MAP3K7: variants seen among roughly 807,000 people sequenced by gnomAD.
The protein encoded by MAP3K7 is TGF-beta activated kinase 1.
MAP3K7 carries 21 observed loss-of-function variants against 84.8 expected under a neutral mutation model. That is an observed-to-expected ratio of 0.25 (90% CI 0.18 to 0.36). The LOEUF (loss-of-function observed/expected upper bound fraction) is 0.36, where lower values mean the gene tolerates loss of function less well. MAP3K7 is among the 10% of genes least tolerant of loss of function. The pLI, the probability that MAP3K7 is intolerant of heterozygous loss-of-function variation, is 1.00. For missense variants in MAP3K7, 503 were observed against 747.7 expected (o/e 0.67, Z 3.82); for synonymous variants, 241 against 247.7 (o/e 0.97, Z 0.25).
At chr6:90,544,777 T>C (rs1001555271) in intron 11 of MAP3K7, 145 bp from the exon 12 acceptor site, 18 of 642,304 alleles carry the variant, frequency 2.8e-5, no homozygotes, top group Non-Finnish European at 5.1e-5. Context: ...TACCTAACTT[T>C]TCATCCATGC....
At chr6:90,585,618 C>CTTTTTTTTTTTTTTTTTTTTTTTTTTTT (rs1562116546) in intron 1 of MAP3K7, among the ~76,000 whole-genome samples, 1 of 150,488 alleles carries the variant, frequency 6.6e-6, no homozygotes, top group African/African-American at 2.5e-5. Flanking sequence ...GCAGTTTTTA[C>CTTTTTTTTTTTTTTTTTTTTTTTTTTTT]TTTTCTAAAT....
intron 5 of MAP3K7, among the ~76,000 whole-genome samples, chr6:90,557,131 G>C (rs1776361585): frequency 6.6e-6 from 1 of 152,242 alleles, no homozygotes; most frequent in South Asian, 2.1e-4. Context: ...TTTGTGCTTA[G>C]ACTATGAATG....
At chr6:90,569,518 T>C (rs1776830775) in intron 2 of MAP3K7, among the ~76,000 whole-genome samples, 1 of 152,146 alleles carries the variant, frequency 6.6e-6, no homozygotes, top group African/African-American at 2.4e-5. Context: ...TTTTGCTCTG[T>C]TACCCATGCT....
chr6:90,547,214 G>T (rs770121558), intron 11 of MAP3K7, 44 bp downstream of exon 11: 2 of 1,607,196 alleles, frequency 1.2e-6, no homozygotes, highest in Non-Finnish European at 1.7e-6. Flanking sequence ...GGCCAAAAAG[G>T]CTTATATACA....
intron 13 of MAP3K7, among the ~76,000 whole-genome samples, 158 bp downstream of exon 13, chr6:90,536,178 TG>T (rs969761457): frequency 4.6e-5 from 7 of 152,060 alleles, no homozygotes; most frequent in African/African-American, 1.4e-4. Context: ...ATGGCACCTA[TG>T]TTTTTTTCCC....
At chr6:90,555,544 C>G (rs1179712783) in intron 6 of MAP3K7, among the ~76,000 whole-genome samples, 1 of 152,130 alleles carries the variant, frequency 6.6e-6, no homozygotes, top group Non-Finnish European at 1.5e-5. Flanking sequence ...CCTGAGCCAC[C>G]GCGCCCAGCT....
intron 13 of MAP3K7, among the ~76,000 whole-genome samples, chr6:90,531,131 T>A (rs1030704126): frequency 1.3e-5 from 2 of 152,152 alleles, no homozygotes; most frequent in African/African-American, 4.8e-5. Flanking sequence ...CAGGGGCAGA[T>A]TACCATCAGT....
intron 13 of MAP3K7, among the ~76,000 whole-genome samples, chr6:90,526,192 CA>C (rs1166637701): frequency 6.6e-6 from 1 of 151,368 alleles, no homozygotes; most frequent in Non-Finnish European, 1.5e-5. Context: ...AAAAGGAGAC[CA>C]AAAAAACAAA....
intron 9 of MAP3K7, among the ~76,000 whole-genome samples, chr6:90,550,213 G>A (rs1776136667): frequency 6.6e-6 from 1 of 152,132 alleles, no homozygotes; most frequent in Non-Finnish European, 1.5e-5. Flanking sequence ...GACATTCACT[G>A]TAATACAATA....
chr6:90,518,492 T>C lies in MAP3K7; in HGVS notation c.1595A>G (p.Glu532Gly), dbSNP rs757780457. ...AATTTCTGTTTGAACTTTCATATATTCTTGTGCCATTTTACAATGCTGTTC... is the reference window on the plus strand; with the variant it reads ...AATTTCTGTTTGAACTTTCATATATCCTTGTGCCATTTTACAATGCTGTTC... ...VFEQHCKMAQ[E>G]YMKVQTEIAL... Residue 532 changes from glutamate to glycine, a missense_variant, in exon 16 of 17, where the codon GAA (glutamate) becomes GGA (glycine). Around this residue, in one of 5 missense-constraint regions of MAP3K7, gnomAD observed 36 missense variants for 74.5 expected, o/e 0.48. Transcript: ENST00000369329. The C allele has an allele frequency of 2.5e-6, 4 of 1,608,850 alleles. No homozygotes were observed. In the South Asian group the frequency reaches 4.4e-5, roughly 18 times the overall value.
At chr6:90,541,734 G>C (rs1186683109) in intron 12 of MAP3K7, among the ~76,000 whole-genome samples, 1 of 151,930 alleles carries the variant, frequency 6.6e-6, no homozygotes, top group African/African-American at 2.4e-5. Context: ...TTCCACATTT[G>C]ACTGATGGCA....
chr6:90,566,286 A>G lies in MAP3K7; in HGVS notation c.297+2272T>C, dbSNP rs1776701423. Among the ~76,000 whole-genome samples, 5 of 152,258 alleles carry G rather than the reference A, an allele frequency of 3.3e-5. No individual in the cohort carries two copies. The South Asian group carries it at 1.0e-3, about 31-fold the overall frequency. On this transcript the variant is annotated intron_variant, in intron 3 of 16. Transcript: ENST00000369329. ...AGGAAGTCAAATTGTCCGTTTGCAG[A>G]TGACATCATTGTATATTTAGAAAAC...
intron 14 of MAP3K7, 77 bp from the exon 15 acceptor site, chr6:90,519,396 A>C: frequency 1.1e-6 from 1 of 943,558 alleles, no homozygotes; most frequent in Non-Finnish European, 1.6e-6. Flanking sequence ...CATGAATGAA[A>C]TGCTTTTTTT....
At chr6:90,520,573 G>A (rs1775117502) in intron 14 of MAP3K7, among the ~76,000 whole-genome samples, 1 of 151,782 alleles carries the variant, frequency 6.6e-6, no homozygotes, top group South Asian at 2.1e-4. Context: ...TGGAGAATTA[G>A]AAAGAACAAT....
rs940334425 is a variant in MAP3K7 at position 90,587,040 on chromosome 6, G to C, written c.-157C>G. 3 of 867,960 alleles carry C rather than the reference G, an allele frequency of 3.5e-6. No individual in the cohort carries two copies. Among genetic ancestry groups the C allele is most frequent in the South Asian group, 4.4e-5 (2 of 45,336 alleles). 53.8% of individuals were successfully genotyped at this position (867,960 alleles called of 1,614,324 possible). ...GGGGGTAGAGGCAGCGGCCACAGCC[G>C]TGTCCGGCTCTGGCTCCGCTGCGTT... On this transcript the variant is annotated 5_prime_UTR_variant, in exon 1 of 17. Coordinates refer to ENST00000369329, the MANE Select transcript of MAP3K7 (RefSeq NM_145331.3).
At chr6:90,547,106 AT>A (rs1776025310) in intron 11 of MAP3K7, 151 bp downstream of exon 11, 2 of 732,480 alleles carry the variant, frequency 2.7e-6, no homozygotes, top group African/African-American at 3.7e-5. Context: ...TGCATAAACT[AT>A]TGCTAGTAAC....
At chr6:90,545,643 A>G (rs1775979795) in intron 11 of MAP3K7, among the ~76,000 whole-genome samples, 1 of 152,132 alleles carries the variant, frequency 6.6e-6, no homozygotes, top group Non-Finnish European at 1.5e-5. Flanking sequence ...TGGGCTTGTC[A>G]GTGGCTGGTG....
rs944541161 is a variant in MAP3K7, at chr6:90,562,641, C to G, written c.298-974G>C. Among the ~76,000 whole-genome samples the G allele has an allele frequency of 9.2e-5, 14 of 152,332 alleles. No homozygotes were observed. In the East Asian group the frequency reaches 2.5e-3, roughly 27 times the overall value. On this transcript the variant is annotated intron_variant, in intron 3 of 16. Transcript: ENST00000369329. ...CTGCCCGCCTCTGTAGACTCCACCT[C>G]TGGGGGCAGGGCATAGCTGAACAAA...
At chr6:90,569,007 A>C (rs1776810252) in intron 2 of MAP3K7, among the ~76,000 whole-genome samples, 1 of 152,206 alleles carries the variant, frequency 6.6e-6, no homozygotes, top group African/African-American at 2.4e-5. Flanking sequence ...TCCAAACCAG[A>C]CGTCATGCTA....
Sources: allele counts gnomAD v4.1 joint callset (sites outside exome capture counted in the v4.1 genomes callset), GRCh38; gene constraint gnomAD v4.1.1; regional missense constraint gnomAD v4.1.1; transcripts MANE v1.5; gene names NCBI Gene and HGNC (gene_info 2026-07-23, HGNC 2026-07-21).